CCDC40: variants seen among roughly 807,000 people sequenced by gnomAD.
CCDC40 encodes coiled-coil domain-containing protein 40.
A neutral mutation model predicts 124.5 loss-of-function variants in CCDC40; 104 were observed. The ratio of observed to expected loss-of-function variants is 0.84; its 90% CI spans 0.71 to 0.98. The LOEUF (loss-of-function observed/expected upper bound fraction) is 0.98. CCDC40 is among the 50% of genes least tolerant of loss of function. CCDC40 has a pLI of 0.00. For missense variants in CCDC40, 1,463 were observed against 1,503.9 expected (o/e 0.97, Z 0.45); for synonymous variants, 580 against 602.9 (o/e 0.96, Z 0.56).
At chr17:80,075,354 T>C (rs528728164) in intron 10 of CCDC40, among the ~76,000 whole-genome samples, 3 of 151,118 alleles carry the variant, frequency 2.0e-5, no homozygotes, top group African/African-American at 7.3e-5. Context: ...CTCAGCTCAC[T>C]GAAAACTCCA....
Position 80,089,762 on chromosome 17 carries a change from A to T in CCDC40, c.2712-2A>T. 6.2e-7 allele frequency: 1 copy of T among 1,614,266 alleles called. No individual in the cohort carries two copies. The highest frequency in any genetic ancestry group is 8.5e-7 in the Non-Finnish European group (1 of 1,180,034). On this transcript the variant is annotated splice_acceptor_variant, in intron 16 of 19. Transcript: ENST00000397545. LOFTEE classifies it high-confidence loss of function. ...CTTACACTGCCTCTCCTACCTCTAA[A>T]GACACCAGATTATGCTTTGGGAGAA...
intron 3 of CCDC40, chr17:80,040,577 G>A (rs1398007798): frequency 2.6e-6 from 1 of 383,304 alleles, no homozygotes; most frequent in Non-Finnish European, 4.8e-6. Context: ...TACTCAGGAG[G>A]CTGAGGTGGG....
chr17:80,090,744 A>G, intron 17 of CCDC40: 1 of 1,391,468 alleles, frequency 7.2e-7, no homozygotes, highest in African/African-American at 1.4e-5. Flanking sequence ...TCATCAAGCT[A>G]AAGGTTCAGG....
chr17:80,097,360 C>T lies in CCDC40; in HGVS notation c.3137C>T (p.Thr1046Ile), dbSNP rs572167468. ...KLSVIQADFD[T>I]LEADLTRLGA... ...TCGGTGATTCAGGCAGACTTCGACA[C>T]ACTCGAGGCCGACCTCACCCGGCTT... Residue 1046 changes from threonine (T) to isoleucine (I), a missense_variant, in exon 19 of 20, where the codon ACA becomes ATA. Coordinates refer to ENST00000397545, the MANE Select transcript of CCDC40 (RefSeq NM_017950.4). The T allele has an allele frequency of 9.3e-6, 15 of 1,614,004 alleles. No individual in the cohort carries two copies. In the South Asian group the frequency reaches 1.4e-4, roughly 15 times the overall value.
Position 80,058,686 on chromosome 17 carries a change from C to T in CCDC40, c.1317+35C>T. The T allele has an allele frequency of 6.2e-7, 1 of 1,612,526 alleles. No individual in the cohort carries two copies. The highest frequency in any genetic ancestry group is 1.1e-5 in the South Asian group (1 of 91,010). On this transcript the variant is annotated intron_variant, in intron 8 of 19. Coordinates refer to ENST00000397545, the MANE Select transcript of CCDC40 (RefSeq NM_017950.4). The surrounding 1 kb of genome is among the most constrained non-coding windows in gnomAD (Gnocchi z 4.2). The stretch of plus-strand genomic sequence containing the variant: ...AAACTCGACACATGTTTAATGATCA[C>T]CAGACCGTGGAGCTTCAAAAAGGGG...
chr17:80,089,651 T>A, intron 16 of CCDC40, 113 bp from the exon 17 acceptor site: 1 of 1,279,550 alleles, frequency 7.8e-7, no homozygotes, highest in Non-Finnish European at 1.1e-6. Flanking sequence ...CTGTCGCAGC[T>A]GCTTGGCTCT....
intron 12 of CCDC40, among the ~76,000 whole-genome samples, chr17:80,083,828 T>A (rs923559937): frequency 5.9e-5 from 9 of 152,230 alleles, no homozygotes; most frequent in African/African-American, 1.9e-4. Flanking sequence ...GAGGAACCAG[T>A]GTCTAACAAT....
At chr17:80,097,198 A>C in intron 18 of CCDC40, 47 bp from the exon 19 acceptor site, 1 of 1,608,486 alleles carries the variant, frequency 6.2e-7, no homozygotes, top group Non-Finnish European at 8.5e-7. Flanking sequence ...CCTGTCCGCC[A>C]AGTAGCCGGG....
At chr17:80,078,802 G>C (rs2038373720) in intron 10 of CCDC40, among the ~76,000 whole-genome samples, 1 of 152,014 alleles carries the variant, frequency 6.6e-6, no homozygotes, top group Admixed American at 6.6e-5. Context: ...TCAATTTCTG[G>C]GGAAAAAATG....
At chr17:80,071,019 C>T (rs544848423) in intron 10 of CCDC40, among the ~76,000 whole-genome samples, 4 of 152,290 alleles carry the variant, frequency 2.6e-5, no homozygotes, top group African/African-American at 7.2e-5. Flanking sequence ...CTTCAAAGAC[C>T]GCAGCGGTCC....
Position 80,040,276 on chromosome 17 carries a change from T to A in CCDC40, c.552+6T>A, listed in dbSNP as rs2037242845. The A allele has an allele frequency of 1.9e-6, 3 of 1,612,084 alleles. No homozygotes were observed. Among genetic ancestry groups the A allele is most frequent in the Non-Finnish European group, 2.5e-6 (3 of 1,179,514 alleles). ...GGCCAGCAGTGGGCAGATTGGTGAG[T>A]AGCCCTGACTTCTGTTTTGTGCCAG... On this transcript the variant is annotated splice_donor_region_variant and intron_variant, in intron 3 of 19. Transcript: ENST00000397545.
At chr17:80,094,821 A>ATCC (rs1467832537) in intron 17 of CCDC40, among the ~76,000 whole-genome samples, 8 of 152,138 alleles carry the variant, frequency 5.3e-5, no homozygotes, top group Non-Finnish European at 1.0e-4. Context: ...CCCGCAGCCA[A>ATCC]TCCTCACGCT....
chr17:80,065,977 G>T, intron 10 of CCDC40: 1 of 643,346 alleles, frequency 1.6e-6, no homozygotes, highest in Non-Finnish European at 2.8e-6. Flanking sequence ...CTGCCTGAGG[G>T]CTGCATTCCA....
chr17:80,091,749 A>G (rs1211939689), intron 17 of CCDC40, among the ~76,000 whole-genome samples: 1 of 152,104 alleles, frequency 6.6e-6, no homozygotes, highest in Non-Finnish European at 1.5e-5. Flanking sequence ...ACAGCATTAT[A>G]ATCACATCCT....
chr17:80,045,279 G>A (rs2037393684), intron 3 of CCDC40, among the ~76,000 whole-genome samples: 1 of 152,208 alleles, frequency 6.6e-6, no homozygotes, highest in Admixed American at 6.5e-5. Context: ...TGGCGAGGGT[G>A]GCATGAGATG....
At chr17:80,048,523 T>C (rs1440621672) in intron 4 of CCDC40, 60 bp from the exon 5 acceptor site, 1 of 1,391,044 alleles carries the variant, frequency 7.2e-7, no homozygotes, top group South Asian at 1.2e-5. Flanking sequence ...TGCCCCAGAA[T>C]AGAATCACTG....
chr17:80,053,623 C>G (rs2037661660), intron 7 of CCDC40, among the ~76,000 whole-genome samples: 1 of 152,118 alleles, frequency 6.6e-6, no homozygotes, highest in Non-Finnish European at 1.5e-5. Context: ...GATGGAGTCT[C>G]TCTCTGTCGC....
chr17:80,044,712 AAAAAATAT>A (rs1212720720), intron 3 of CCDC40, among the ~76,000 whole-genome samples: 10 of 74,484 alleles, frequency 1.3e-4, no homozygotes, highest in South Asian at 8.4e-4. Flanking sequence ...CAAACAAAAA[AAAAAATAT>A]ATATATATAT....
chr17:80,037,688 A>AAAAATATATATATATATAT, intron 1 of CCDC40, among the ~76,000 whole-genome samples: 14 of 45,678 alleles, frequency 3.1e-4, no homozygotes, highest in African/African-American at 8.3e-4. Context: ...TTTTTTAAAA[A>AAAAATATATATATATATAT]AGATATACAT....
Sources: allele counts gnomAD v4.1 joint callset (sites outside exome capture counted in the v4.1 genomes callset), GRCh38; gene constraint gnomAD v4.1.1; non-coding constraint Gnocchi (gnomAD v3.1); transcripts MANE v1.5; gene names NCBI Gene and HGNC (gene_info 2026-07-23, HGNC 2026-07-21).